SH3GLB2: variants seen among roughly 807,000 people sequenced by gnomAD.
SH3GLB2 encodes SH3 domain containing GRB2 like, endophilin B2.
A neutral mutation model predicts 48.0 loss-of-function variants in SH3GLB2; 24 were observed. That is an observed-to-expected ratio of 0.50 (90% CI 0.36 to 0.70). The LOEUF is 0.70. Among genes scored for constraint, SH3GLB2 ranks in the 30% least tolerant of loss-of-function variants. SH3GLB2 has a pLI of 0.00. For missense variants in SH3GLB2, 425 were observed against 516.0 expected (o/e 0.82, Z 1.71); for synonymous variants, 227 against 207.6 (o/e 1.09, Z -0.80).
chr9:129,025,445 A>T (rs1253335865), intron 1 of SH3GLB2, among the ~76,000 whole-genome samples: 1 of 151,714 alleles, frequency 6.6e-6, no homozygotes. Context: ...AGGTGCCTAT[A>T]ATCCCAGTTA....
intron 1 of SH3GLB2, among the ~76,000 whole-genome samples, chr9:129,023,518 GC>G (rs1721144252): frequency 6.6e-6 from 1 of 152,238 alleles, no homozygotes; most frequent in Admixed American, 6.5e-5. Context: ...CTGTTGGCCA[GC>G]CCTGTCCTAA....
In SH3GLB2 at chr9:129,028,271, CGCCTGCCG is replaced by C. The variant is rs960459246; in HGVS notation, c.-125_-118del. On this transcript the variant is annotated 5_prime_UTR_variant, in exon 1 of 11. Coordinates refer to ENST00000372564, the MANE Select transcript of SH3GLB2 (RefSeq NM_020145.4). ...GCGGGGCACCAGCCCTCCGCGCACC[CGCCTGCCG>C]GCCTGCCCGCCTGCCCGCCCGCCGC... is the stretch of plus-strand genomic sequence containing the variant. The C allele has an allele frequency of 3.3e-5, 21 of 639,138 alleles. No individual in the cohort carries two copies. The East Asian group carries it at 4.3e-4, about 13-fold the overall frequency. The allele number at this position is 639,138 out of a possible 1,614,324, so 39.6% of individuals were successfully genotyped here.
intron 2 of SH3GLB2, 70 bp downstream of exon 2, chr9:129,022,212 G>A: frequency 2.5e-6 from 4 of 1,576,234 alleles, no homozygotes; most frequent in African/African-American, 1.3e-5. Flanking sequence ...TGCCACAACA[G>A]GGCCAGGCCT....
At chr9:129,010,973 C>G in intron 6 of SH3GLB2, 2 of 510,800 alleles carry the variant, frequency 3.9e-6, no homozygotes, top group South Asian at 5.1e-5. Context: ...TGAGTGGGGT[C>G]TCAAGAGAGA....
chr9:129,014,153 C>T lies in SH3GLB2; in HGVS notation c.561+258G>A, dbSNP rs181923244. On this transcript the variant is annotated intron_variant, in intron 5 of 10. Coordinates refer to ENST00000372564, the MANE Select transcript of SH3GLB2 (RefSeq NM_020145.4). The surrounding 1 kb of genome is among the most constrained non-coding windows in gnomAD (Gnocchi z 4.1). ...CATGCAGGAGACTCCAGCTGCCTGG[C>T]GGGGTGGTGCACCCAGCTGGGGGCA... is the stretch of plus-strand genomic sequence containing the variant. The T allele has an allele frequency of 3.0e-4, 185 of 617,344 alleles. 3 individuals carry two copies. The East Asian group carries it at 4.0e-3, about 13-fold the overall frequency. 38.2% of individuals were successfully genotyped at this position (617,344 alleles called of 1,614,324 possible).
chr9:129,012,653 G>A (rs965740503), intron 5 of SH3GLB2: 39 of 461,766 alleles, frequency 8.4e-5, no homozygotes, highest in Non-Finnish European at 1.4e-4. Context: ...AGATGCCCCA[G>A]GGTCCCGCAA....
intron 1 of SH3GLB2, among the ~76,000 whole-genome samples, chr9:129,024,705 C>T (rs1844036585): frequency 1.3e-5 from 2 of 151,242 alleles, no homozygotes; most frequent in South Asian, 4.2e-4. Flanking sequence ...GACCAAGAAC[C>T]TGCCTTAAAA....
chr9:129,015,013 A>G, intron 3 of SH3GLB2, 109 bp from the exon 4 acceptor site: 2 of 1,407,586 alleles, frequency 1.4e-6, no homozygotes, highest in Non-Finnish European at 1.9e-6. Context: ...CGGGGTGCTC[A>G]GTGCAGAATG....
chr9:129,013,071 G>A (rs901386932), intron 5 of SH3GLB2: 14 of 1,550,020 alleles, frequency 9.0e-6, no homozygotes, highest in Middle Eastern at 3.3e-4. Context: ...CAAAGAGTTA[G>A]TGAGTCCACA....
chr9:129,025,860 G>A (rs1844132138), intron 1 of SH3GLB2, among the ~76,000 whole-genome samples: 1 of 149,632 alleles, frequency 6.7e-6, no homozygotes, highest in African/African-American at 2.5e-5. Flanking sequence ...CATGTCCACT[G>A]CAGTCTGCCT....
chr9:129,021,373 T>G (rs1223401067), intron 2 of SH3GLB2, among the ~76,000 whole-genome samples, 154 bp from the exon 3 acceptor site: 1 of 152,164 alleles, frequency 6.6e-6, no homozygotes, highest in African/African-American at 2.4e-5. Flanking sequence ...GAGACTGTTG[T>G]GATTGACCCA....
At position 129,008,326 on chromosome 9, in the gene SH3GLB2, T is replaced by C. The variant is rs1462686546; in HGVS notation, c.*358A>G. The C allele has an allele frequency of 3.9e-6, 1 of 255,592 alleles. No individual in the cohort carries two copies. Among genetic ancestry groups the C allele is most frequent in the Non-Finnish European group, 7.8e-6 (1 of 127,458 alleles). The allele number at this position is 255,592 out of a possible 1,614,324, so 15.8% of individuals were successfully genotyped here. ...TTTTGGCAACTGAAAGGCAGGGCTC[T>C]CGCTGAGTGCACCTGGGGCTTCCTG... On this transcript the variant is annotated 3_prime_UTR_variant, in exon 11 of 11. Transcript: ENST00000372564.
At chr9:129,009,924 A>G (rs1476582476) in intron 8 of SH3GLB2, 53 bp from the exon 9 acceptor site, 1 of 1,551,890 alleles carries the variant, frequency 6.4e-7, no homozygotes, top group Non-Finnish European at 8.8e-7. Context: ...TCAGAACAAA[A>G]AATTCCGTCC....
intron 5 of SH3GLB2, chr9:129,012,897 A>T: frequency 7.2e-7 from 1 of 1,382,354 alleles, no homozygotes; most frequent in Non-Finnish European, 1.0e-6. Flanking sequence ...TGGCGGGGAG[A>T]CCAGCTGCTT....
At chr9:129,010,237 C>A in intron 7 of SH3GLB2, 28 bp from the exon 8 acceptor site, 1 of 1,591,788 alleles carries the variant, frequency 6.3e-7, no homozygotes, top group Non-Finnish European at 8.6e-7. Context: ...GCCATGAGCA[C>A]CCACACACCA....
chr9:129,012,951 C>A, intron 5 of SH3GLB2: 1 of 1,550,272 alleles, frequency 6.5e-7, no homozygotes. Flanking sequence ...CACCGTGGGT[C>A]CACGGGCAAG....
At chr9:129,015,831 G>T in intron 3 of SH3GLB2, 2 of 351,610 alleles carry the variant, frequency 5.7e-6, no homozygotes, top group South Asian at 2.2e-5. Flanking sequence ...TTGCACCACT[G>T]CACTCCAGTC....
At chr9:129,026,604 T>A (rs992131026) in intron 1 of SH3GLB2, among the ~76,000 whole-genome samples, 2 of 142,976 alleles carry the variant, frequency 1.4e-5, no homozygotes, top group African/African-American at 5.0e-5. Flanking sequence ...ACAGTGACCC[T>A]GTGGGGCAGC....
At position 129,021,166 on chromosome 9, in the gene SH3GLB2, T is replaced by C; in HGVS notation, c.259A>G (p.Arg87Gly). 1 of 1,612,262 alleles carries C rather than the reference T, an allele frequency of 6.2e-7. No homozygotes were observed. Among genetic ancestry groups the C allele is most frequent in the Non-Finnish European group, 8.5e-7 (1 of 1,179,722 alleles). Reference protein sequence around the residue: ...YEKLDRKVPSRVTNGELLAQY... With the variant: ...YEKLDRKVPSGVTNGELLAQY... ...GCCAGCAGCTCCCCGTTGGTGACCC[T>C]TGAGGGGACCTTCCTGTCCAGCTTC... is the stretch of plus-strand genomic sequence containing the variant. The change falls in exon 3 of 11, where the codon AGG (arginine) becomes GGG (glycine). Residue 87 changes from arginine (R) to glycine (G), a missense_variant. Arg to Gly is a moderately radical substitution (Grantham distance 125). Coordinates refer to ENST00000372564, the MANE Select transcript of SH3GLB2 (RefSeq NM_020145.4).
Sources: allele counts gnomAD v4.1 joint callset (sites outside exome capture counted in the v4.1 genomes callset), GRCh38; gene constraint gnomAD v4.1.1; non-coding constraint Gnocchi (gnomAD v3.1); transcripts MANE v1.5; gene names NCBI Gene and HGNC (gene_info 2026-07-23, HGNC 2026-07-21).